Variants in UNC5D observed in about 807,000 individuals in gnomAD.
UNC5D encodes netrin receptor UNC5D.
UNC5D carries 39 observed loss-of-function variants against 105.4 expected under a neutral mutation model. The observed-to-expected ratio is 0.37, with a 90% CI of 0.29 to 0.48. The LOEUF (loss-of-function observed/expected upper bound fraction) is 0.48, where lower values mean the gene tolerates loss of function less well. UNC5D is among the 20% of genes least tolerant of loss of function. The pLI, the probability that UNC5D is intolerant of heterozygous loss-of-function variation, is 0.98. For missense variants in UNC5D, 991 were observed against 1,202.4 expected (o/e 0.82, Z 2.60); for synonymous variants, 452 against 450.4 (o/e 1.00, Z -0.04).
intron 1 of UNC5D, among the ~76,000 whole-genome samples, chr8:35,297,999 C>A (rs7003669): frequency 0.82 from 124,634 of 152,052 alleles, 51,550 homozygotes; most frequent in East Asian, 1. Flanking sequence ...TACTGGTGAT[C>A]TTTCTGGTCA....
intron 11 of UNC5D, among the ~76,000 whole-genome samples, chr8:35,734,782 A>ATTTT (rs1171276656): frequency 7.9e-6 from 1 of 126,720 alleles, no homozygotes; most frequent in African/African-American, 3.2e-5. Flanking sequence ...CACACTTTAA[A>ATTTT]TTTTTTTTTT....
chr8:35,439,314 A>G (rs948918229), intron 1 of UNC5D, among the ~76,000 whole-genome samples: 3 of 151,988 alleles, frequency 2.0e-5, no homozygotes, highest in Admixed American at 6.6e-5. Context: ...TTTTCAGGAA[A>G]CCTAAATTTG....
At chr8:35,763,053 T>C (rs551870372) in intron 14 of UNC5D, among the ~76,000 whole-genome samples, 27 of 152,180 alleles carry the variant, frequency 1.8e-4, no homozygotes, top group Non-Finnish European at 3.4e-4. Flanking sequence ...TCGTTGGTGT[T>C]TTTTGTTTTT....
intron 1 of UNC5D, among the ~76,000 whole-genome samples, chr8:35,472,814 A>G (rs2129855899): frequency 6.6e-6 from 1 of 152,298 alleles, no homozygotes; most frequent in South Asian, 2.1e-4. Context: ...GCCATATGTT[A>G]CTTGGCCTCA....
chr8:35,763,414 G>A (rs1801629951), intron 14 of UNC5D, among the ~76,000 whole-genome samples: 1 of 148,774 alleles, frequency 6.7e-6, no homozygotes, highest in East Asian at 2.0e-4. Context: ...TGATACCAGA[G>A]AAGATACTCA....
At chr8:35,595,402 TTCTCTTATTCTA>T in intron 3 of UNC5D, 140 bp from the exon 4 acceptor site, 1 of 656,384 alleles carries the variant, frequency 1.5e-6, no homozygotes, top group South Asian at 1.9e-5. Flanking sequence ...GGAAAAACGA[TTCTCTTATTCTA>T]GAATTCCTGG....
intron 1 of UNC5D, among the ~76,000 whole-genome samples, chr8:35,346,593 CA>C (rs1053808283): frequency 6.6e-5 from 10 of 151,884 alleles, no homozygotes; most frequent in African/African-American, 2.4e-4. Context: ...ATTGTTAATA[CA>C]TGTTATGTGT....
chr8:35,586,610 A>G (rs915046183), intron 3 of UNC5D, among the ~76,000 whole-genome samples: 1 of 152,118 alleles, frequency 6.6e-6, no homozygotes, highest in African/African-American at 2.4e-5. Context: ...ATTTTCTTTT[A>G]TGTCTGACAA....
chr8:35,580,985 C>T (rs557460155), intron 3 of UNC5D, among the ~76,000 whole-genome samples: 8 of 152,242 alleles, frequency 5.3e-5, no homozygotes, highest in South Asian at 2.1e-4. Flanking sequence ...GTTCTGGGAC[C>T]AACTATTCAG....
At chr8:35,281,944 A>G (rs1416779289) in intron 1 of UNC5D, among the ~76,000 whole-genome samples, 1 of 152,122 alleles carries the variant, frequency 6.6e-6, no homozygotes, top group Non-Finnish European at 1.5e-5. Flanking sequence ...GAATATCCAC[A>G]TTTAATGACC....
At chr8:35,500,906 T>A (rs1403913527) in intron 1 of UNC5D, among the ~76,000 whole-genome samples, 1 of 152,098 alleles carries the variant, frequency 6.6e-6, no homozygotes, top group East Asian at 1.9e-4. Context: ...CCAAAACCTT[T>A]CTAATAGGGG....
intron 1 of UNC5D, among the ~76,000 whole-genome samples, chr8:35,244,453 C>G (rs533508413): frequency 6.6e-6 from 1 of 152,156 alleles, no homozygotes; most frequent in Non-Finnish European, 1.5e-5. Flanking sequence ...GCCTATTGTG[C>G]CTTCTTGGTC....
intron 1 of UNC5D, among the ~76,000 whole-genome samples, chr8:35,368,167 A>G (rs2128923136): frequency 6.6e-6 from 1 of 152,330 alleles, no homozygotes. Flanking sequence ...GATTGAAAAC[A>G]TTATCTTGGT....
intron 1 of UNC5D, among the ~76,000 whole-genome samples, chr8:35,327,822 A>G (rs1372217057): frequency 2.6e-5 from 4 of 152,214 alleles, no homozygotes; most frequent in Non-Finnish European, 4.4e-5. Context: ...CAATGTTGCA[A>G]GAGTCATTTA....
chr8:35,308,599 G>A (rs1808620726), intron 1 of UNC5D, among the ~76,000 whole-genome samples: 1 of 152,076 alleles, frequency 6.6e-6, no homozygotes, highest in African/African-American at 2.4e-5. Flanking sequence ...CTGCCATCTG[G>A]TAGTAGGAAC....
At chr8:35,776,286 AT>A (rs1050453095) in intron 16 of UNC5D, among the ~76,000 whole-genome samples, 10 of 152,310 alleles carry the variant, frequency 6.6e-5, no homozygotes, top group African/African-American at 2.4e-4. Flanking sequence ...AAAGTTTATG[AT>A]TTTTTAAGTC....
At position 35,683,704 on chromosome 8, in the gene UNC5D, T is replaced by C; in HGVS notation, c.728T>C (p.Leu243Pro). 1 of 1,551,634 alleles carries C rather than the reference T, an allele frequency of 6.4e-7. No individual in the cohort carries two copies. Among genetic ancestry groups the C allele is most frequent in the Non-Finnish European group, 8.6e-7 (1 of 1,158,282 alleles). The change falls in exon 5 of 17, where the codon CTG (leucine) becomes CCG (proline). Residue 243 changes from leucine to proline, a missense_variant. This residue lies in a region of UNC5D where 944 missense variants were observed against 1,131.6 expected (regional missense o/e 0.83). Coordinates refer to ENST00000404895, the MANE Select transcript of UNC5D (RefSeq NM_080872.4). ...AACATCGTGGCTAAGAGGAGAAGCC[T>C]GTCGGCCACTGTTGTGGTCTACGGT... ...AANIVAKRRS[L>P]SATVVVYVNG...
intron 1 of UNC5D, among the ~76,000 whole-genome samples, chr8:35,484,714 G>A (rs766141296): frequency 1.3e-5 from 2 of 152,102 alleles, no homozygotes; most frequent in Non-Finnish European, 2.9e-5. Flanking sequence ...TAATATCATG[G>A]ATCTTATTCC....
At chr8:35,348,805 C>T (rs1448315594) in intron 1 of UNC5D, among the ~76,000 whole-genome samples, 2 of 151,796 alleles carry the variant, frequency 1.3e-5, no homozygotes, top group African/African-American at 4.8e-5. Flanking sequence ...AACCAAGGTT[C>T]TCAAATAGTA....
Sources: gnomAD v4.1 joint callset for allele counts (sites outside exome capture counted in the v4.1 genomes callset) on GRCh38, gnomAD v4.1.1 for gene constraint, gnomAD v4.1.1 regional missense constraint, MANE v1.5 for transcripts, NCBI Gene and HGNC (gene_info 2026-07-23, HGNC 2026-07-21) for gene names.